Variants in MEGF10 observed in about 807,000 individuals in gnomAD.
The protein encoded by MEGF10 is multiple epidermal growth factor-like domains protein 10.
In MEGF10, 86 loss-of-function variants were observed where a neutral mutation model predicts 147.5. The ratio of observed to expected loss-of-function variants is 0.58; its 90% CI spans 0.49 to 0.70. MEGF10 has a LOEUF of 0.70. Among genes scored for constraint, MEGF10 ranks in the 30% least tolerant of loss-of-function variants. The probability of loss-of-function intolerance (pLI) is 0.00; values close to 1 mark genes in which losing one functional copy is unlikely to be tolerated. For synonymous variants in MEGF10, 478 were observed against 525.5 expected, an observed-to-expected ratio of 0.91 and a Z score of 1.24; for missense variants, 1,329 against 1,487.3, an observed-to-expected ratio of 0.89 and a Z score of 1.75.
rs548894244 is a variant in MEGF10 at position 127,384,706 on chromosome 5, G to A, written c.413-11826G>A. 6.6e-5 allele frequency among the ~76,000 whole-genome samples: 10 copies of A among 152,334 alleles called. No individual in the cohort carries two copies. In the South Asian group the frequency reaches 1.7e-3, roughly 25 times the overall value. On this transcript the variant is annotated intron_variant, in intron 5 of 24. Coordinates refer to ENST00000503335, the MANE Select transcript of MEGF10 (RefSeq NM_001256545.2). ...AAATTAATATAAACAGCACTGGGTG[G>A]TTGTCCACGGTGATCGTTGGCACTC... is the stretch of plus-strand genomic sequence containing the variant.
chr5:127,249,032 T>C, the MEGF10 span, among the ~76,000 whole-genome samples: 8 of 152,000 alleles, frequency 5.3e-5, no homozygotes, highest in African/African-American at 1.9e-4. Flanking sequence ...ATGAAGATCA[T>C]TGGACATGGT....
chr5:127,234,804 T>C, the MEGF10 span, among the ~76,000 whole-genome samples: 1 of 152,158 alleles, frequency 6.6e-6, no homozygotes, highest in African/African-American at 2.4e-5. Flanking sequence ...CTCATCTATA[T>C]TGGTAGTTCA....
intron 1 of MEGF10, among the ~76,000 whole-genome samples, chr5:127,325,094 G>C (rs1465047313): frequency 6.6e-6 from 1 of 152,082 alleles, no homozygotes; most frequent in Non-Finnish European, 1.5e-5. Context: ...GACTCAGTGA[G>C]GTTTCATTGC....
intron 1 of MEGF10, among the ~76,000 whole-genome samples, chr5:127,317,018 G>C (rs246945): frequency 0.61 from 93,418 of 152,044 alleles, 29,223 homozygotes; most frequent in Middle Eastern, 0.68. Flanking sequence ...TCTAATGTTT[G>C]GGGAAAATCA....
At chr5:127,304,607 C>T (rs1421195482) in intron 1 of MEGF10, among the ~76,000 whole-genome samples, 1 of 152,210 alleles carries the variant, frequency 6.6e-6, no homozygotes, top group African/African-American at 2.4e-5. Flanking sequence ...GATTCTCCCA[C>T]CTCAGCCTCC....
chr5:127,257,514 T>G, the MEGF10 span, among the ~76,000 whole-genome samples: 4 of 152,126 alleles, frequency 2.6e-5, no homozygotes, highest in Non-Finnish European at 5.9e-5. Flanking sequence ...TGGTACTGCT[T>G]CTTGTGCCTC....
intron 4 of MEGF10, among the ~76,000 whole-genome samples, chr5:127,350,056 A>G (rs1420353700): frequency 6.6e-6 from 1 of 152,142 alleles, no homozygotes; most frequent in Non-Finnish European, 1.5e-5. Context: ...TGTTAAAATG[A>G]TATCCCATTG....
intron 5 of MEGF10, among the ~76,000 whole-genome samples, chr5:127,376,121 C>T (rs1214203465): frequency 6.6e-6 from 1 of 152,110 alleles, no homozygotes; most frequent in Non-Finnish European, 1.5e-5. Flanking sequence ...AGTGTACAGC[C>T]CTTCACTTTC....
At chr5:127,343,172 C>A (rs532209868) in intron 4 of MEGF10, among the ~76,000 whole-genome samples, 1 of 152,118 alleles carries the variant, frequency 6.6e-6, no homozygotes, top group Non-Finnish European at 1.5e-5. Context: ...AACATGGTCA[C>A]CTTTCTTAAC....
At chr5:127,394,998 T>C (rs1441051411) in intron 5 of MEGF10, among the ~76,000 whole-genome samples, 3 of 152,236 alleles carry the variant, frequency 2.0e-5, no homozygotes, top group African/African-American at 7.2e-5. Context: ...TTGTTTGCTG[T>C]GTACCTAGAG....
the MEGF10 span, among the ~76,000 whole-genome samples, chr5:127,272,907 G>A: frequency 2.0e-5 from 3 of 152,128 alleles, no homozygotes; most frequent in Admixed American, 6.5e-5. Flanking sequence ...CTTCTTATTC[G>A]AATACGCTTT....
intron 4 of MEGF10, among the ~76,000 whole-genome samples, chr5:127,368,459 C>A (rs1395748839): frequency 6.6e-6 from 1 of 152,122 alleles, no homozygotes; most frequent in East Asian, 1.9e-4. Flanking sequence ...CTGTTGGTTT[C>A]TTATAACAAA....
At position 127,334,142 on chromosome 5, in the gene MEGF10, G is replaced by C. The variant is rs4836320; in HGVS notation, c.116+2718G>C. On this transcript the variant is annotated intron_variant, in intron 2 of 24. Transcript: ENST00000503335. Reference sequence around the variant, plus strand: ...GATCAAATAAAGGCACAGGTGACAGGTTCGTCTAGTATTTTCAAAAATGTA... The same window carrying C: ...GATCAAATAAAGGCACAGGTGACAGCTTCGTCTAGTATTTTCAAAAATGTA... 0.017 allele frequency among the ~76,000 whole-genome samples: 2,641 copies of C among 152,190 alleles called. 263 individuals carry two copies. In the East Asian group the frequency reaches 0.27, roughly 16 times the overall value.
intron 1 of MEGF10, among the ~76,000 whole-genome samples, chr5:127,306,532 A>G (rs1760019957): frequency 6.6e-6 from 1 of 152,228 alleles, no homozygotes; most frequent in African/African-American, 2.4e-5. Context: ...CCCGTCTTCC[A>G]TGGTGCACTT....
chr5:127,457,485 C>A lies in MEGF10; in HGVS notation c.*167C>A. On this transcript the variant is annotated 3_prime_UTR_variant, in exon 25 of 25. Transcript: ENST00000503335. Reference sequence around the variant, plus strand: ...CTGAGGCTGACACGGACTGTAGGTGCTTTTTGTTCAGGTGGATTCGAAGGA... The same window carrying A: ...CTGAGGCTGACACGGACTGTAGGTGATTTTTGTTCAGGTGGATTCGAAGGA... 1 of 690,120 alleles carries A rather than the reference C, an allele frequency of 1.4e-6. No homozygotes were observed. The highest frequency in any genetic ancestry group is 2.4e-6 in the Non-Finnish European group (1 of 425,322). 42.7% of individuals were successfully genotyped at this position (690,120 alleles called of 1,614,324 possible). A position where few individuals can be genotyped will look rare whatever the true frequency, so the allele number is the denominator to read the frequency against.
Position 127,438,381 on chromosome 5 carries a change from T to TC in MEGF10, c.2105-55dup, listed in dbSNP as rs1765633320. Reference sequence around the variant, plus strand: ...AGATGTGTAGAGGTGGATGGAATTCTCCCTACTTAGTATTGGCCTCAGAAC... The same window carrying TC: ...AGATGTGTAGAGGTGGATGGAATTCTCCCCTACTTAGTATTGGCCTCAGAAC... On this transcript the variant is annotated intron_variant, in intron 16 of 24. Transcript: ENST00000503335. The TC allele has an allele frequency of 2.5e-6, 4 of 1,587,724 alleles. No individual in the cohort carries two copies. In the Admixed American group the frequency reaches 6.8e-5, roughly 27 times the overall value.
intron 5 of MEGF10, among the ~76,000 whole-genome samples, chr5:127,385,649 T>G (rs1763400391): frequency 6.6e-6 from 1 of 152,214 alleles, no homozygotes; most frequent in Non-Finnish European, 1.5e-5. Flanking sequence ...TTATGTATTA[T>G]AAGCGGACAT....
At chr5:127,401,578 T>C (rs1028356265) in intron 7 of MEGF10, among the ~76,000 whole-genome samples, 2 of 152,202 alleles carry the variant, frequency 1.3e-5, no homozygotes, top group African/African-American at 4.8e-5. Context: ...GCCCACAGTC[T>C]GCCTTTTTTT....
chr5:127,398,537 T>A, intron 6 of MEGF10, 139 bp from the exon 7 acceptor site: 2 of 988,876 alleles, frequency 2.0e-6, no homozygotes, highest in Non-Finnish European at 3.0e-6. Flanking sequence ...ATATGATTAA[T>A]GTTCTTGATG....
Sources: gnomAD v4.1 joint callset for allele counts (sites outside exome capture counted in the v4.1 genomes callset) on GRCh38, gnomAD v4.1.1 for gene constraint, MANE v1.5 for transcripts, NCBI Gene and HGNC (gene_info 2026-07-23, HGNC 2026-07-21) for gene names.